Variants in RAPH1 observed in about 807,000 individuals in gnomAD.
The protein encoded by RAPH1 is ras-associated and pleckstrin homology domains-containing protein 1.
In RAPH1, 18 loss-of-function variants were observed where a neutral mutation model predicts 88.1. The ratio of observed to expected loss-of-function variants is 0.20; its 90% CI spans 0.14 to 0.30. RAPH1 has a LOEUF of 0.30. RAPH1 is among the 10% of genes least tolerant of loss of function. The pLI, the probability that RAPH1 is intolerant of heterozygous loss-of-function variation, is 1.00. For missense variants in RAPH1, 1,448 were observed against 1,543.2 expected, an observed-to-expected ratio of 0.94 and a Z score of 1.03; for synonymous variants, 587 against 559.0, an observed-to-expected ratio of 1.05 and a Z score of -0.71.
At chr2:203,466,924 C>T (rs2098528974) in intron 4 of RAPH1, among the ~76,000 whole-genome samples, 1 of 152,194 alleles carries the variant, frequency 6.6e-6, no homozygotes, top group African/African-American at 2.4e-5. Context: ...GAAAGTGCTA[C>T]TGTTGCTAAG....
At chr2:203,459,832 T>A in intron 7 of RAPH1, 75 bp downstream of exon 7, 2 of 1,471,582 alleles carry the variant, frequency 1.4e-6, no homozygotes, top group Non-Finnish European at 1.9e-6. Flanking sequence ...GTCTTTTAAC[T>A]CTAACTTAGC....
At chr2:203,491,956 T>C (rs866578866) in intron 2 of RAPH1, among the ~76,000 whole-genome samples, 1 of 152,044 alleles carries the variant, frequency 6.6e-6, no homozygotes, top group Non-Finnish European at 1.5e-5. Flanking sequence ...AGCTAAGAAA[T>C]AGGTGTGATG....
In RAPH1 at chr2:203,440,037, A is replaced by G; in HGVS notation, c.3153T>C (p.Pro1051=). The change falls in exon 14 of 14, where the codon CCT becomes CCC. Residue 1051 remains proline (P), a synonymous_variant. Coordinates refer to ENST00000319170, the MANE Select transcript of RAPH1 (RefSeq NM_213589.3). ...LQQGCVSAKA[P]VLSGRGKDSV... ...AGTCCTTTCCACGCCCACTCAGAAC[A>G]GGGGCTTTTGCTGACACACACCCTT... 6.2e-7 allele frequency: 1 copy of G among 1,613,718 alleles called. No individual in the cohort carries two copies. The highest frequency in any genetic ancestry group is 1.3e-5 in the African/African-American group (1 of 74,990).
At position 203,434,229 on chromosome 2, in the gene RAPH1, G is replaced by GTACAT. The variant is rs1037910767; in HGVS notation, c.*5203_*5207dup. ...TTTGAATAATAATGTCCTCTACCTGGTACATTATAATGAAGTTCCTTGTCT... is the reference window on the plus strand; with the variant it reads ...TTTGAATAATAATGTCCTCTACCTGGTACATTACATTATAATGAAGTTCCTTGTCT... On this transcript the variant is annotated 3_prime_UTR_variant, in exon 14 of 14. Transcript: ENST00000319170. 3 of 152,394 alleles carry GTACAT rather than the reference G, an allele frequency of 2.0e-5. No homozygotes were observed. The highest frequency in any genetic ancestry group is 7.3e-5 in the African/African-American group (3 of 41,356). The allele number at this position is 152,394 out of a possible 1,614,324, so 9.4% of individuals were successfully genotyped here.
chr2:203,477,245 T>C (rs1325263601), intron 4 of RAPH1: 8 of 973,838 alleles, frequency 8.2e-6, no homozygotes, highest in Admixed American at 3.8e-5. Context: ...AAAAGATCAA[T>C]GAAGTGAAAC....
intron 1 of RAPH1, among the ~76,000 whole-genome samples, chr2:203,502,918 C>A (rs1017504949): frequency 6.6e-6 from 1 of 151,860 alleles, no homozygotes; most frequent in Non-Finnish European, 1.5e-5. Context: ...CCGAGGCAGG[C>A]GGATCACCTT....
At chr2:203,482,632 G>A (rs1313358248) in intron 4 of RAPH1, among the ~76,000 whole-genome samples, 1 of 152,030 alleles carries the variant, frequency 6.6e-6, no homozygotes, top group Non-Finnish European at 1.5e-5. Context: ...ACACTGTCAT[G>A]TATAAAATTC....
intron 1 of RAPH1, among the ~76,000 whole-genome samples, chr2:203,528,882 A>G (rs1353680477): frequency 6.6e-6 from 1 of 150,782 alleles, no homozygotes; most frequent in Non-Finnish European, 1.5e-5. Context: ...TATAAAGTAA[A>G]CATTATTGGA....
At chr2:203,460,948 T>C (rs560727624) in intron 6 of RAPH1, among the ~76,000 whole-genome samples, 2 of 151,376 alleles carry the variant, frequency 1.3e-5, no homozygotes, top group South Asian at 4.2e-4. Flanking sequence ...ACCCCATCTC[T>C]ACTAAAAAAT....
chr2:203,523,839 T>TA (rs1690000126), intron 1 of RAPH1, among the ~76,000 whole-genome samples: 2 of 152,030 alleles, frequency 1.3e-5, no homozygotes, highest in Non-Finnish European at 2.9e-5. Context: ...ACCCCATCTC[T>TA]ACTAAAAATA....
Position 203,461,151 on chromosome 2 carries a change from A to G in RAPH1, c.970+98T>C, listed in dbSNP as rs1581280804. On this transcript the variant is annotated intron_variant, in intron 6 of 13. Transcript: ENST00000319170. ...AAAATAAAATAAAATAAAAACATAT[A>G]TATATATATAAAGATAACTCAAAAT... The G allele has an allele frequency of 3.6e-5, 18 of 500,738 alleles. No homozygotes were observed. In the East Asian group the frequency reaches 7.6e-4, roughly 21 times the overall value. The allele number at this position is 500,738 out of a possible 1,614,324, so 31.0% of individuals were successfully genotyped here.
chr2:203,451,241 A>G (rs545553890), intron 10 of RAPH1, among the ~76,000 whole-genome samples: 1 of 152,320 alleles, frequency 6.6e-6, no homozygotes, highest in East Asian at 1.9e-4. Context: ...ACTAGACACT[A>G]TGTAAAATAT....
chr2:203,534,442 A>AC (rs1482259294), intron 1 of RAPH1, among the ~76,000 whole-genome samples: 3 of 143,766 alleles, frequency 2.1e-5, no homozygotes, highest in Non-Finnish European at 4.5e-5. Context: ...TAAGAAAACC[A>AC]CATCTTTCAA....
At position 203,448,863 on chromosome 2, in the gene RAPH1, T is replaced by A. The variant is rs762031066; in HGVS notation, c.1414-27A>T. The A allele has an allele frequency of 2.0e-6, 3 of 1,501,632 alleles. No individual in the cohort carries two copies. Among genetic ancestry groups the A allele is most frequent in the East Asian group, 2.3e-5 (1 of 43,846 alleles). 93.0% of individuals were successfully genotyped at this position (1,501,632 alleles called of 1,614,324 possible). On this transcript the variant is annotated intron_variant, in intron 10 of 13. Transcript: ENST00000319170. This position sits in a 1 kb window ranked among gnomAD's most constrained non-coding sequence, Gnocchi z 4.1. ...TGCAAGATTAAAGACAAAATCCAAC[T>A]AAGTCCCTTGGAGAACTAAAGAAAA...
intron 4 of RAPH1, among the ~76,000 whole-genome samples, chr2:203,470,675 CT>C (rs950258904): frequency 6.6e-6 from 1 of 152,198 alleles, no homozygotes. Flanking sequence ...AGACCAATGA[CT>C]AAACTCCCTT....
intron 4 of RAPH1, among the ~76,000 whole-genome samples, chr2:203,473,405 G>A (rs2098534770): frequency 2.0e-5 from 3 of 152,116 alleles, no homozygotes; most frequent in Admixed American, 2.0e-4. Flanking sequence ...GATGCAAGAG[G>A]GATGAGAAGA....
Position 203,439,885 on chromosome 2 carries a change from G to T in RAPH1, c.3305C>A (p.Ala1102Glu), listed in dbSNP as rs765094734. 63 of 1,613,888 alleles carry T rather than the reference G, an allele frequency of 3.9e-5. No individual in the cohort carries two copies. Among genetic ancestry groups the T allele is most frequent in the Non-Finnish European group, 4.7e-5 (55 of 1,180,006 alleles). The stretch of plus-strand genomic sequence containing the variant: ...TTGTTGTGGTTGAGGATTAACGACT[G>T]CCACTTTTGGAGAGGTGTTTCCCGA... Reference protein sequence around the residue: ...VFSGNTSPKVAVVNPQPQQWS... With the variant: ...VFSGNTSPKVEVVNPQPQQWS... The change falls in exon 14 of 14, where the codon GCA (alanine) becomes GAA (glutamate). Residue 1102 changes from alanine to glutamate, a missense_variant. Physicochemically the swap from Ala to Glu is moderately radical, Grantham distance 107. This residue lies in a region of RAPH1 where 935 missense variants were observed against 890.1 expected (regional missense o/e 1.05). Transcript: ENST00000319170.
rs769980075 is a variant in RAPH1 at position 203,495,232 on chromosome 2, A to C, written c.120+2T>G. On this transcript the variant is annotated splice_donor_variant, in intron 2 of 13. Transcript: ENST00000319170. LOFTEE classifies it high-confidence loss of function. The stretch of plus-strand genomic sequence containing the variant: ...TCAACCAGTTTTTCAAGCACTACTC[A>C]CCTGAGTGAGTTTGTCTAGTTCTCC... 6.2e-7 allele frequency: 1 copy of C among 1,613,994 alleles called. No homozygotes were observed. The highest frequency in any genetic ancestry group is 8.5e-7 in the Non-Finnish European group (1 of 1,179,978).
intron 4 of RAPH1, among the ~76,000 whole-genome samples, chr2:203,479,241 T>C (rs1687610076): frequency 6.6e-6 from 1 of 152,226 alleles, no homozygotes; most frequent in Non-Finnish European, 1.5e-5. Context: ...AAAAATCTAT[T>C]CTTTCTGGAC....
Sources: gnomAD v4.1 joint callset for allele counts (sites outside exome capture counted in the v4.1 genomes callset) on GRCh38, gnomAD v4.1.1 for gene constraint, gnomAD v4.1.1 regional missense constraint, Gnocchi (gnomAD v3.1) non-coding constraint, MANE v1.5 for transcripts, NCBI Gene and HGNC (gene_info 2026-07-23, HGNC 2026-07-21) for gene names.